Variants in ASAP1 observed in about 807,000 individuals in gnomAD.
ASAP1 encodes ArfGAP with SH3 domain, ankyrin repeat and PH domain 1, also known as arf-GAP with SH3 domain, ANK repeat and PH domain-containing protein 1.
In ASAP1, 43 loss-of-function variants were observed where a neutral mutation model predicts 145.2. That is an observed-to-expected ratio of 0.30 (90% CI 0.23 to 0.38). The LOEUF is 0.38. Ranked by LOEUF, ASAP1 falls within the 10% of genes least tolerant of loss-of-function variation. The probability of loss-of-function intolerance (pLI) is 1.00; values close to 1 mark genes in which losing one functional copy is unlikely to be tolerated. For synonymous variants in ASAP1, 546 were observed against 515.5 expected (o/e 1.06, Z -0.80); for missense variants, 1,018 against 1,355.3 (o/e 0.75, Z 3.91).
chr8:130,349,195 C>A (rs1005421966), intron 3 of ASAP1, among the ~76,000 whole-genome samples: 1 of 152,176 alleles, frequency 6.6e-6, no homozygotes, highest in Admixed American at 6.5e-5. Context: ...TTGGCTATGA[C>A]CATGACCCAC....
chr8:130,353,135 T>C (rs1029607003), intron 3 of ASAP1, among the ~76,000 whole-genome samples: 2 of 152,234 alleles, frequency 1.3e-5, no homozygotes, highest in African/African-American at 4.8e-5. Flanking sequence ...TGCCCCTTTC[T>C]ACCCTGTTAA....
In ASAP1 at chr8:130,118,333, A is replaced by G. The variant is rs1351391556; in HGVS notation, c.1795-87T>C. ...ATATATCAGTTGCCCCCAAGTAATT[A>G]TAAGGAGCACACCTCTTCACTCTCA... On this transcript the variant is annotated intron_variant, in intron 19 of 29. Coordinates refer to ENST00000518721, the MANE Select transcript of ASAP1 (RefSeq NM_018482.4). 5 of 1,411,732 alleles carry G rather than the reference A, an allele frequency of 3.5e-6. No homozygotes were observed. In the East Asian group the frequency reaches 7.0e-5, roughly 20 times the overall value. The allele number at this position is 1,411,732 out of a possible 1,614,324, so 87.5% of individuals were successfully genotyped here.
At position 130,116,752 on chromosome 8, in the gene ASAP1, T is replaced by C. The variant is rs766637400; in HGVS notation, c.1997-7A>G. 2 of 1,613,586 alleles carry C rather than the reference T, an allele frequency of 1.2e-6. No individual in the cohort carries two copies. Among genetic ancestry groups the C allele is most frequent in the African/African-American group, 1.3e-5 (1 of 74,998 alleles). On this transcript the variant is annotated splice_polypyrimidine_tract_variant and splice_region_variant and intron_variant, in intron 21 of 29. Transcript: ENST00000518721. ...GTTTCTCCAGCCTGGTTAACTGAAA[T>C]AGGAAAAAAATTAATTTGCATAATT...
At position 130,113,771 on chromosome 8, in the gene ASAP1, G is replaced by A. The variant is rs1219535322; in HGVS notation, c.2173-1449C>T. Among the ~76,000 whole-genome samples the A allele has an allele frequency of 2.0e-5, 3 of 151,004 alleles. No homozygotes were observed. In the East Asian group the frequency reaches 5.8e-4, roughly 29 times the overall value. ...AAATGGGGATAACAATGTCCCTTAT[G>A]TACTTTTTTTTTTTTTTCCTCTGAG... On this transcript the variant is annotated intron_variant, in intron 23 of 29. Transcript: ENST00000518721.
At chr8:130,339,184 A>AAC (rs1825222414) in intron 3 of ASAP1, among the ~76,000 whole-genome samples, 1 of 152,240 alleles carries the variant, frequency 6.6e-6, no homozygotes, top group Non-Finnish European at 1.5e-5. Flanking sequence ...ACCTGGACTC[A>AAC]ACACTTAACC....
intron 1 of ASAP1, among the ~76,000 whole-genome samples, chr8:130,406,616 G>C (rs993811776): frequency 3.3e-5 from 5 of 151,954 alleles, no homozygotes; most frequent in Admixed American, 3.3e-4. Flanking sequence ...CAAGTAGCTG[G>C]GATTACAGGC....
At chr8:130,427,148 T>G (rs535184358) in intron 1 of ASAP1, among the ~76,000 whole-genome samples, 10 of 152,294 alleles carry the variant, frequency 6.6e-5, no homozygotes, top group African/African-American at 2.4e-4. Context: ...GCTTGGCCAC[T>G]CTGTTCAGTG....
intron 9 of ASAP1, among the ~76,000 whole-genome samples, chr8:130,176,702 T>TC (rs1424558565): frequency 1.4e-5 from 2 of 142,282 alleles, no homozygotes; most frequent in African/African-American, 2.7e-5. Flanking sequence ...TTTTTTTTTT[T>TC]CTTTTGAGAC....
chr8:130,072,296 T>C lies in ASAP1; in HGVS notation c.2701+4052A>G, dbSNP rs1392916533. On this transcript the variant is annotated intron_variant, in intron 27 of 29. Transcript: ENST00000518721. Reference sequence around the variant, plus strand: ...TTGTAGCCCCCATAATTTCTACATGTTGTGGGAGGGATCTGATGGGAGATA... The same window carrying C: ...TTGTAGCCCCCATAATTTCTACATGCTGTGGGAGGGATCTGATGGGAGATA... 5.9e-5 allele frequency among the ~76,000 whole-genome samples: 9 copies of C among 152,282 alleles called. No homozygotes were observed. The East Asian group carries it at 1.7e-3, about 29-fold the overall frequency.
chr8:130,155,229 T>A (rs778220642), intron 12 of ASAP1, among the ~76,000 whole-genome samples: 5 of 152,152 alleles, frequency 3.3e-5, no homozygotes, highest in Non-Finnish European at 7.4e-5. Flanking sequence ...TCTCTTCTGC[T>A]GCTAATAAAG....
intron 1 of ASAP1, among the ~76,000 whole-genome samples, chr8:130,435,585 G>A (rs773666601): frequency 4.6e-5 from 7 of 152,162 alleles, no homozygotes; most frequent in Non-Finnish European, 8.8e-5. Context: ...TTTTATAAAT[G>A]TTCTTTCTTT....
At chr8:130,187,716 T>C (rs1457226828) in intron 6 of ASAP1, among the ~76,000 whole-genome samples, 1 of 152,138 alleles carries the variant, frequency 6.6e-6, no homozygotes, top group Non-Finnish European at 1.5e-5. Context: ...CCACTGTGCC[T>C]GGCCAACATC....
intron 11 of ASAP1, among the ~76,000 whole-genome samples, chr8:130,163,520 T>A (rs989571472): frequency 1.3e-5 from 2 of 152,242 alleles, no homozygotes. Context: ...AGAAGTTTAG[T>A]ATCAACAATC....
rs57005471 is a variant in ASAP1, at chr8:130,074,440, AACACACACACAC to A, written c.2701+1896_2701+1907del. Among the ~76,000 whole-genome samples, 80 of 119,328 alleles carry A rather than the reference AACACACACACAC, an allele frequency of 6.7e-4. 1 individual carries two copies. Among genetic ancestry groups the A allele is most frequent in the Admixed American group, 1.3e-3 (13 of 10,358 alleles). 78.3% of individuals were successfully genotyped at this position (119,328 alleles called of 152,430 possible). ...TTATTACGGAAAATTCCAAATAGTAAACACACACACACACACACACACACACACACACACACA... is the reference window on the plus strand; with the variant it reads ...TTATTACGGAAAATTCCAAATAGTAAACACACACACACACACACACACACA... On this transcript the variant is annotated intron_variant, in intron 27 of 29. Transcript: ENST00000518721.
At chr8:130,332,296 G>GA (rs1213242191) in intron 3 of ASAP1, among the ~76,000 whole-genome samples, 6 of 152,166 alleles carry the variant, frequency 3.9e-5, no homozygotes, top group African/African-American at 1.4e-4. Flanking sequence ...GGAGTATAAT[G>GA]AAAACTCTGT....
At chr8:130,409,818 T>G (rs1267771660) in intron 1 of ASAP1, among the ~76,000 whole-genome samples, 1 of 152,224 alleles carries the variant, frequency 6.6e-6, no homozygotes, top group Non-Finnish European at 1.5e-5. Context: ...CTTGCTGGAT[T>G]ATACACTCAT....
intron 18 of ASAP1, among the ~76,000 whole-genome samples, chr8:130,120,765 G>A (rs2135678597): frequency 6.6e-6 from 1 of 152,286 alleles, no homozygotes; most frequent in East Asian, 1.9e-4. Flanking sequence ...TAATTCTGTG[G>A]CCATAGGAAG....
intron 24 of ASAP1, among the ~76,000 whole-genome samples, chr8:130,098,877 A>T (rs1015944569): frequency 6.6e-6 from 1 of 152,106 alleles, no homozygotes; most frequent in Non-Finnish European, 1.5e-5. Context: ...GAACACAGGA[A>T]CTTATCCTTC....
At chr8:130,073,565 C>T (rs1231822726) in intron 27 of ASAP1, among the ~76,000 whole-genome samples, 2 of 151,934 alleles carry the variant, frequency 1.3e-5, no homozygotes, top group East Asian at 1.9e-4. Context: ...TTAAGGGGGT[C>T]GGGAAGGAAC....
Sources: allele counts gnomAD v4.1 joint callset (sites outside exome capture counted in the v4.1 genomes callset), GRCh38; gene constraint gnomAD v4.1.1; transcripts MANE v1.5; gene names NCBI Gene and HGNC (gene_info 2026-07-23, HGNC 2026-07-21).